The following RASSF2 variants were observed in gnomAD, a reference collection of about 807,000 sequenced individuals.
RASSF2 encodes ras association domain-containing protein 2.
A neutral mutation model predicts 46.3 loss-of-function variants in RASSF2; 34 were observed. The observed-to-expected ratio is 0.73, with a 90% confidence interval of 0.56 to 0.98. The LOEUF (loss-of-function observed/expected upper bound fraction) is 0.98. RASSF2 is among the 50% of genes least tolerant of loss of function. RASSF2 has a pLI of 0.00. For missense variants in RASSF2, 364 were observed against 431.2 expected, an observed-to-expected ratio of 0.84 and a Z score of 1.38; for synonymous variants, 158 against 162.5, an observed-to-expected ratio of 0.97 and a Z score of 0.21.
chr20:4,808,094 C>T (rs935356622), intron 2 of RASSF2, among the ~76,000 whole-genome samples: 1 of 152,230 alleles, frequency 6.6e-6, no homozygotes, highest in Non-Finnish European at 1.5e-5. Context: ...GTTTGTGGAA[C>T]AGGAATGTGG....
chr20:4,793,597 T>G (rs1926087892), intron 5 of RASSF2, among the ~76,000 whole-genome samples: 1 of 152,108 alleles, frequency 6.6e-6, no homozygotes, highest in South Asian at 2.1e-4. Flanking sequence ...ATTTAAAGCC[T>G]TCATTCTTGC....
intron 2 of RASSF2, among the ~76,000 whole-genome samples, chr20:4,807,390 A>G (rs1229908045): frequency 6.6e-6 from 1 of 152,150 alleles, no homozygotes; most frequent in African/African-American, 2.4e-5. Flanking sequence ...CTGGGGAAAA[A>G]TATTTACAAA....
intron 3 of RASSF2, among the ~76,000 whole-genome samples, chr20:4,799,849 C>G (rs192559362): frequency 6.6e-6 from 1 of 152,028 alleles, no homozygotes. Flanking sequence ...TGGTGGCTCA[C>G]GCCTGTAATC....
rs1286167148 is a variant in RASSF2 at position 4,780,450 on chromosome 20, G to C, written c.*3823C>G. On this transcript the variant is annotated 3_prime_UTR_variant, in exon 12 of 12. Coordinates refer to ENST00000379400, the MANE Select transcript of RASSF2 (RefSeq NM_014737.3). The stretch of plus-strand genomic sequence containing the variant: ...TAGGGCAGAGCTTTCTATTACATCT[G>C]GAAGAAGGGGGCGCCACATTCATTC... The C allele has an allele frequency of 1.3e-5, 2 of 152,192 alleles. No individual in the cohort carries two copies. The highest frequency in any genetic ancestry group is 2.9e-5 in the Non-Finnish European group (2 of 68,042). 9.4% of individuals were successfully genotyped at this position (152,192 alleles called of 1,614,324 possible).
In RASSF2 at chr20:4,790,622, A is replaced by G. The variant is rs755069975; in HGVS notation, c.377-11T>C. 3 of 1,515,188 alleles carry G rather than the reference A, an allele frequency of 2.0e-6. No individual in the cohort carries two copies. In the Admixed American group the frequency reaches 8.1e-5, roughly 41 times the overall value. The allele number at this position is 1,515,188 out of a possible 1,614,324, so 93.9% of individuals were successfully genotyped here. ...TCAGGCCCCTGGAGTCTGAGAGAGG[A>G]GAGGGAAATGAACTCTGTCTGTCTG... On this transcript the variant is annotated splice_polypyrimidine_tract_variant and intron_variant, in intron 6 of 11. Coordinates refer to ENST00000379400, the MANE Select transcript of RASSF2 (RefSeq NM_014737.3). The surrounding 1 kb of genome is among the most constrained non-coding windows in gnomAD (Gnocchi z 4.3).
intron 3 of RASSF2, among the ~76,000 whole-genome samples, 173 bp downstream of exon 3, chr20:4,800,799 A>T (rs1926797169): frequency 6.6e-6 from 1 of 152,100 alleles, no homozygotes; most frequent in Non-Finnish European, 1.5e-5. Context: ...CTATAGCAGC[A>T]GCCCTGACGC....
intron 2 of RASSF2, among the ~76,000 whole-genome samples, chr20:4,802,940 ACT>A (rs1568574159): frequency 1.4e-5 from 2 of 142,676 alleles, no homozygotes; most frequent in African/African-American, 5.3e-5. Context: ...ACAGAGACTC[ACT>A]CTGTTACCCA....
Position 4,790,742 on chromosome 20 carries a change from G to T in RASSF2, c.377-131C>A. ...ATATTTTATACAAATAATATTTTCT[G>T]CTGGGGGAAAAACATAATGCAGAAT... On this transcript the variant is annotated intron_variant, in intron 6 of 11. Coordinates refer to ENST00000379400, the MANE Select transcript of RASSF2 (RefSeq NM_014737.3). This position sits in a 1 kb window ranked among gnomAD's most constrained non-coding sequence, Gnocchi z 4.3. 2 of 665,366 alleles carry T rather than the reference G, an allele frequency of 3.0e-6. No individual in the cohort carries two copies. The highest frequency in any genetic ancestry group is 4.3e-5 in the South Asian group (1 of 23,014). 41.2% of individuals were successfully genotyped at this position (665,366 alleles called of 1,614,324 possible). A position where few individuals can be genotyped will look rare whatever the true frequency, so the allele number is the denominator to read the frequency against.
intron 2 of RASSF2, among the ~76,000 whole-genome samples, chr20:4,817,833 T>C (rs1398871105): frequency 6.6e-6 from 1 of 152,102 alleles, no homozygotes; most frequent in African/African-American, 2.4e-5. Flanking sequence ...TCATTAAAGG[T>C]TTTGTTCTTG....
chr20:4,800,107 T>C (rs1926733444), intron 3 of RASSF2, among the ~76,000 whole-genome samples: 1 of 146,458 alleles, frequency 6.8e-6, no homozygotes, highest in African/African-American at 2.5e-5. Context: ...GGGAGAGTCC[T>C]TCTAAAAAAA....
At chr20:4,822,907 G>GC (rs1210249624) in intron 1 of RASSF2, among the ~76,000 whole-genome samples, 1 of 152,172 alleles carries the variant, frequency 6.6e-6, no homozygotes, top group Non-Finnish European at 1.5e-5. Context: ...CTGCCGCGCC[G>GC]CCCCACCTCG....
intron 2 of RASSF2, among the ~76,000 whole-genome samples, chr20:4,818,197 G>A (rs1449165372): frequency 1.3e-5 from 2 of 151,944 alleles, no homozygotes; most frequent in Non-Finnish European, 2.9e-5. Flanking sequence ...AACTTGGGAG[G>A]TAGAGGTTGT....
chr20:4,788,360 G>T, intron 8 of RASSF2, 92 bp from the exon 9 acceptor site: 1 of 1,215,216 alleles, frequency 8.2e-7, no homozygotes, highest in Non-Finnish European at 1.2e-6. Context: ...GCAAAGCTAA[G>T]TCAATTTTAG....
chr20:4,822,060 C>T (rs1021383655), intron 2 of RASSF2, among the ~76,000 whole-genome samples: 2 of 152,244 alleles, frequency 1.3e-5, no homozygotes, highest in African/African-American at 2.4e-5. Context: ...CTTCTTTAAT[C>T]CTTCAGACCA....
Position 4,817,433 on chromosome 20 carries a change from T to C in RASSF2, c.-33+4896A>G, listed in dbSNP as rs115299041. Among the ~76,000 whole-genome samples, 803 of 152,292 alleles carry C rather than the reference T, an allele frequency of 5.3e-3. 5 individuals are homozygous for C. The highest frequency in any genetic ancestry group is 0.018 in the African/African-American group (758 of 41,550). On this transcript the variant is annotated intron_variant, in intron 2 of 11. Coordinates refer to ENST00000379400, the MANE Select transcript of RASSF2 (RefSeq NM_014737.3). Reference sequence around the variant, plus strand: ...TACACCAAGATGATGAATTCTGTCATAGAAAGTTCTCTTTCTCCACACAGA... The same window carrying C: ...TACACCAAGATGATGAATTCTGTCACAGAAAGTTCTCTTTCTCCACACAGA...
rs762734075 is a variant in RASSF2 at position 4,790,517 on chromosome 20, C to A, written c.471G>T (p.Thr157=). Residue 157 remains threonine, a synonymous_variant, in exon 7 of 12, where the codon ACG becomes ACT. Coordinates refer to ENST00000379400, the MANE Select transcript of RASSF2 (RefSeq NM_014737.3). This position sits in a 1 kb window ranked among gnomAD's most constrained non-coding sequence, Gnocchi z 4.3. ...VGVRRRGNVR[T]PSDQRRIRRH... Reference sequence around the variant, plus strand: ...GTCTGATTCGCCGCTGGTCACTAGGCGTCCTCACATTGCCACGGCGACGCA... The same window carrying A: ...GTCTGATTCGCCGCTGGTCACTAGGAGTCCTCACATTGCCACGGCGACGCA... 1.3e-6 allele frequency: 2 copies of A among 1,531,686 alleles called. No individual in the cohort carries two copies. Among genetic ancestry groups the A allele is most frequent in the East Asian group, 2.6e-5 (1 of 38,008 alleles). The allele number at this position is 1,531,686 out of a possible 1,614,324, so 94.9% of individuals were successfully genotyped here. A position where few individuals can be genotyped will look rare whatever the true frequency, so the allele number is the denominator to read the frequency against.
In RASSF2 at chr20:4,786,326, C is replaced by A; in HGVS notation, c.816G>T (p.Val272=). The change falls in exon 11 of 12, where the codon GTG becomes GTT. Residue 272 remains valine (V), a splice_region_variant and synonymous_variant. Coordinates refer to ENST00000379400, the MANE Select transcript of RASSF2 (RefSeq NM_014737.3). ...GCATCTCGAACTTTATATACTGGGCCACCTAGAGAGAAAGAAGCAAGTCTG... is the reference window on the plus strand; with the variant it reads ...GCATCTCGAACTTTATATACTGGGCAACCTAGAGAGAAAGAAGCAAGTCTG... ...KDQVEEVTYD[V]AQYIKFEMPV... 1 of 1,600,290 alleles carries A rather than the reference C, an allele frequency of 6.2e-7. No homozygotes were observed. Among genetic ancestry groups the A allele is most frequent in the East Asian group, 2.2e-5 (1 of 44,824 alleles).
At position 4,783,492 on chromosome 20, in the gene RASSF2, A is replaced by G. The variant is rs1188792456; in HGVS notation, c.*781T>C. ...ACACACAGGATCTTCTCTGTCTCCT[A>G]AAGGTAGCCATGGAGGCAGAGATGG... On this transcript the variant is annotated 3_prime_UTR_variant, in exon 12 of 12. Coordinates refer to ENST00000379400, the MANE Select transcript of RASSF2 (RefSeq NM_014737.3). The G allele has an allele frequency of 2.6e-5, 4 of 152,794 alleles. No homozygotes were observed. In the East Asian group the frequency reaches 5.8e-4, roughly 22 times the overall value. The allele number at this position is 152,794 out of a possible 1,614,324, so 9.5% of individuals were successfully genotyped here.
At position 4,786,321 on chromosome 20, in the gene RASSF2, T is replaced by C. The variant is rs558339702; in HGVS notation, c.821A>G (p.Gln274Arg). 1.2e-6 allele frequency: 2 copies of C among 1,604,582 alleles called. No individual in the cohort carries two copies. Among genetic ancestry groups the C allele is most frequent in the Non-Finnish European group, 1.7e-6 (2 of 1,171,322 alleles). The change falls in exon 11 of 12, where the codon CAG becomes CGG. Residue 274 changes from glutamine to arginine, a missense_variant. Transcript: ENST00000379400. ...TACCGGCATCTCGAACTTTATATAC[T>C]GGGCCACCTAGAGAGAAAGAAGCAA... Reference protein sequence around the residue: ...QVEEVTYDVAQYIKFEMPVLK... With the variant: ...QVEEVTYDVARYIKFEMPVLK...
Sources: allele counts gnomAD v4.1 joint callset (sites outside exome capture counted in the v4.1 genomes callset), GRCh38; gene constraint gnomAD v4.1.1; non-coding constraint Gnocchi (gnomAD v3.1); transcripts MANE v1.5; gene names NCBI Gene and HGNC (gene_info 2026-07-23, HGNC 2026-07-21).